The following SNX1 variants were observed in gnomAD, a reference collection of about 807,000 sequenced individuals.
The protein encoded by SNX1 is sorting nexin 1, also known as sorting nexin-1.
A neutral mutation model predicts 71.8 loss-of-function variants in SNX1; 36 were observed. The ratio of observed to expected loss-of-function variants is 0.50; its 90% CI spans 0.38 to 0.66. The LOEUF is 0.66. SNX1 is among the 30% of genes least tolerant of loss of function. The probability of loss-of-function intolerance (pLI) is 0.00; values close to 1 mark genes in which losing one functional copy is unlikely to be tolerated. For missense variants in SNX1, 612 were observed against 646.7 expected (o/e 0.95, Z 0.58); for synonymous variants, 254 against 240.7 (o/e 1.06, Z -0.51).
intron 1 of SNX1, among the ~76,000 whole-genome samples, chr15:64,110,607 G>A (rs2081069193): frequency 6.6e-6 from 1 of 152,122 alleles, no homozygotes; most frequent in Admixed American, 6.6e-5. Context: ...TCACTGTGTT[G>A]CTGAGGCTGG....
intron 11 of SNX1, among the ~76,000 whole-genome samples, chr15:64,132,175 C>G (rs1000138014): frequency 6.6e-6 from 1 of 152,222 alleles, no homozygotes; most frequent in African/African-American, 2.4e-5. Flanking sequence ...TGAGGCCAGA[C>G]AGTGTCTTCT....
chr15:64,132,174 A>C (rs773794700), intron 11 of SNX1, among the ~76,000 whole-genome samples: 11 of 152,220 alleles, frequency 7.2e-5, no homozygotes, highest in Non-Finnish European at 1.5e-4. Context: ...TTGAGGCCAG[A>C]CAGTGTCTTC....
At position 64,135,000 on chromosome 15, in the gene SNX1, A is replaced by C; in HGVS notation, c.1365+193A>C. On this transcript the variant is annotated intron_variant, in intron 12 of 14. Transcript: ENST00000559844. This position sits in a 1 kb window ranked among gnomAD's most constrained non-coding sequence, Gnocchi z 4.1. ...GGCCTAGTCCCCCTGTTCTTTTTCT[A>C]CTCTACGCAGACTTGTCAAATCAGA... 1.5e-6 allele frequency: 1 copy of C among 646,604 alleles called. No individual in the cohort carries two copies. The highest frequency in any genetic ancestry group is 2.1e-5 in the South Asian group (1 of 46,788). 40.1% of individuals were successfully genotyped at this position (646,604 alleles called of 1,614,324 possible).
Position 64,112,603 on chromosome 15 carries a change from T to G in SNX1, c.190T>G (p.Ser64Ala), listed in dbSNP as rs1478499392. 1 of 1,612,202 alleles carries G rather than the reference T, an allele frequency of 6.2e-7. No individual in the cohort carries two copies. The highest frequency in any genetic ancestry group is 8.5e-7 in the Non-Finnish European group (1 of 1,178,576). Residue 64 changes from serine (S) to alanine (A), a missense_variant, in exon 2 of 15, where the codon TCC (serine) becomes GCC (alanine). By Grantham distance (99) the Ser-to-Ala change is moderately conservative (BLOSUM62 1). Around this residue, in one of 2 missense-constraint regions of SNX1, gnomAD observed 316 missense variants for 284.9 expected, o/e 1.11. Coordinates refer to ENST00000559844, the MANE Select transcript of SNX1 (RefSeq NM_003099.5). ...ACATCAGTCTCCAAAGATAACTACA[T>G]CCCTTCTTCCCATCAACAATGGCTC... Reference protein sequence around the residue: ...SKHQSPKITTSLLPINNGSKE... With the variant: ...SKHQSPKITTALLPINNGSKE...
chr15:64,134,942 G>C lies in SNX1; in HGVS notation c.1365+135G>C, dbSNP rs1011254375. 7.6e-6 allele frequency: 9 copies of C among 1,191,322 alleles called. No homozygotes were observed. Among genetic ancestry groups the C allele is most frequent in the Non-Finnish European group, 9.3e-6 (8 of 864,726 alleles). The allele number at this position is 1,191,322 out of a possible 1,614,324, so 73.8% of individuals were successfully genotyped here. Reference sequence around the variant, plus strand: ...AGTCTAAAGGGCCGTGGCTGCTGAGGAAGCCTCTGAGAATGACTCCAGGCC... The same window carrying C: ...AGTCTAAAGGGCCGTGGCTGCTGAGCAAGCCTCTGAGAATGACTCCAGGCC... On this transcript the variant is annotated intron_variant, in intron 12 of 14. Coordinates refer to ENST00000559844, the MANE Select transcript of SNX1 (RefSeq NM_003099.5). This position sits in a 1 kb window ranked among gnomAD's most constrained non-coding sequence, Gnocchi z 4.1.
intron 1 of SNX1, among the ~76,000 whole-genome samples, chr15:64,110,470 C>T (rs974075912): frequency 9.2e-5 from 14 of 152,152 alleles, no homozygotes; most frequent in Admixed American, 3.3e-4. Flanking sequence ...GATCATGGCT[C>T]ACTGCAACCT....
intron 4 of SNX1, among the ~76,000 whole-genome samples, chr15:64,119,737 AAC>A (rs1555491445): frequency 9.2e-5 from 13 of 141,100 alleles, no homozygotes; most frequent in African/African-American, 3.2e-4. Flanking sequence ...AAAAAAAAAA[AAC>A]ACACACACAC....
At chr15:64,104,315 C>G (rs1439891645) in intron 1 of SNX1, among the ~76,000 whole-genome samples, 1 of 149,432 alleles carries the variant, frequency 6.7e-6, no homozygotes, top group African/African-American at 2.5e-5. Flanking sequence ...CTGTGTCGCC[C>G]CAGCTGGAGT....
In SNX1 at chr15:64,138,361, A is replaced by C; in HGVS notation, c.*743A>C. ...TTTTTTGGTGTCCCTATCATTAAGC[A>C]AGAGCCTTTCTCTTTTATTCTTCCT... On this transcript the variant is annotated 3_prime_UTR_variant, in exon 15 of 15. Coordinates refer to ENST00000559844, the MANE Select transcript of SNX1 (RefSeq NM_003099.5). 1 of 596,086 alleles carries C rather than the reference A, an allele frequency of 1.7e-6. No homozygotes were observed. The highest frequency in any genetic ancestry group is 3.1e-5 in the East Asian group (1 of 32,700). 36.9% of individuals were successfully genotyped at this position (596,086 alleles called of 1,614,324 possible).
At chr15:64,104,884 TAAAAA>T (rs35090758) in intron 1 of SNX1, among the ~76,000 whole-genome samples, 24 of 125,632 alleles carry the variant, frequency 1.9e-4, no homozygotes, top group African/African-American at 7.2e-4. Context: ...GACTTGATCT[TAAAAA>T]AAAAAAAAAA....
Position 64,130,021 on chromosome 15 carries a change from T to C in SNX1, c.913T>C (p.Ser305Pro), listed in dbSNP as rs201402325. 119 of 1,612,502 alleles carry C rather than the reference T, an allele frequency of 7.4e-5. No individual in the cohort carries two copies. Among genetic ancestry groups the C allele is most frequent in the Admixed American group, 2.5e-4 (15 of 59,998 alleles). Residue 305 changes from serine to proline, a missense_variant, in exon 9 of 15, where the codon TCA (serine) becomes CCA (proline). Around this residue, in one of 2 missense-constraint regions of SNX1, gnomAD observed 296 missense variants for 361.9 expected, o/e 0.82. Coordinates refer to ENST00000559844, the MANE Select transcript of SNX1 (RefSeq NM_003099.5). Reference sequence around the variant, plus strand: ...CAAAATGACCATCAAGATGAATGAATCAGACATTGTGAGTAGCCCTGTGCC... The same window carrying C: ...CAAAATGACCATCAAGATGAATGAACCAGACATTGTGAGTAGCCCTGTGCC... Reference protein sequence around the residue: ...VSKMTIKMNESDIWFEEKLQE... With the variant: ...VSKMTIKMNEPDIWFEEKLQE...
intron 4 of SNX1, among the ~76,000 whole-genome samples, chr15:64,121,401 G>A (rs758244569): frequency 1.3e-5 from 2 of 152,114 alleles, no homozygotes; most frequent in African/African-American, 2.4e-5. Context: ...TCGGCTTGTC[G>A]ATGCATCACT....
intron 6 of SNX1, 35 bp downstream of exon 6, chr15:64,126,255 T>A (rs2081251572): frequency 1.9e-6 from 3 of 1,602,984 alleles, no homozygotes; most frequent in Middle Eastern, 1.7e-4. Flanking sequence ...CTTGGATTGT[T>A]TTCCTTTGCA....
chr15:64,131,635 C>G, intron 10 of SNX1, 52 bp from the exon 11 acceptor site: 1 of 1,570,552 alleles, frequency 6.4e-7, no homozygotes, highest in Non-Finnish European at 8.7e-7. Context: ...GCTGATTTGT[C>G]CCTTTTCCTT....
intron 1 of SNX1, among the ~76,000 whole-genome samples, chr15:64,110,867 G>A (rs2081071565): frequency 6.6e-6 from 1 of 152,254 alleles, no homozygotes; most frequent in Admixed American, 6.5e-5. Context: ...TCCAAGTTAA[G>A]TGGTGGATCA....
chr15:64,127,862 A>T, intron 8 of SNX1, 56 bp downstream of exon 8: 1 of 1,345,220 alleles, frequency 7.4e-7, no homozygotes, highest in Non-Finnish European at 1.1e-6. Flanking sequence ...TAGTGAAACG[A>T]AACTAGTTCA....
In SNX1 at chr15:64,126,084, C is replaced by T. The variant is rs142792307; in HGVS notation, c.516C>T (p.Ser172=). ...YVAYKVTTQT[S]LPLFRSKQFA... ...TGTTTTTTCCTGTCCCCAAGACAAG[C>T]TTACCATTGTTCAGAAGCAAACAGT... Residue 172 remains serine (S), a synonymous_variant, in exon 6 of 15, where the codon AGC becomes AGT. Coordinates refer to ENST00000559844, the MANE Select transcript of SNX1 (RefSeq NM_003099.5). The T allele has an allele frequency of 1.2e-5, 20 of 1,614,072 alleles. No individual in the cohort carries two copies. The South Asian group carries it at 2.1e-4, about 17-fold the overall frequency.
At chr15:64,103,933 A>T (rs1242782063) in intron 1 of SNX1, among the ~76,000 whole-genome samples, 1 of 152,194 alleles carries the variant, frequency 6.6e-6, no homozygotes, top group Non-Finnish European at 1.5e-5. Context: ...ATTGGTAAAA[A>T]TTCTAGTGTG....
chr15:64,130,052 C>G (rs371779448), intron 9 of SNX1, 23 bp downstream of exon 9: 6 of 1,560,472 alleles, frequency 3.8e-6, no homozygotes, highest in Non-Finnish European at 5.3e-6. Flanking sequence ...GTGCCTCTTA[C>G]CTCCACCTAC....
Sources: gnomAD v4.1 joint callset for allele counts (sites outside exome capture counted in the v4.1 genomes callset) on GRCh38, gnomAD v4.1.1 for gene constraint, gnomAD v4.1.1 regional missense constraint, Gnocchi (gnomAD v3.1) non-coding constraint, MANE v1.5 for transcripts, NCBI Gene and HGNC (gene_info 2026-07-23, HGNC 2026-07-21) for gene names.